The following NKAIN2 variants were observed in gnomAD, a reference collection of about 807,000 sequenced individuals.
NKAIN2 encodes the protein sodium/potassium-transporting ATPase subunit beta-1-interacting protein 2.
A neutral mutation model predicts 32.6 loss-of-function variants in NKAIN2; 14 were observed. The ratio of observed to expected loss-of-function variants is 0.43; its 90% CI spans 0.28 to 0.67. The LOEUF (loss-of-function observed/expected upper bound fraction) is 0.67, where lower values mean the gene tolerates loss of function less well. Among genes scored for constraint, NKAIN2 ranks in the 30% least tolerant of loss-of-function variants. The pLI, the probability that NKAIN2 is intolerant of heterozygous loss-of-function variation, is 0.17. For synonymous variants in NKAIN2, 80 were observed against 87.2 expected, an observed-to-expected ratio of 0.92 and a Z score of 0.46; for missense variants, 198 against 258.3, an observed-to-expected ratio of 0.77 and a Z score of 1.60.
chr6:124,231,408 G>C (rs1792455427), intron 1 of NKAIN2, among the ~76,000 whole-genome samples: 1 of 152,202 alleles, frequency 6.6e-6, no homozygotes, highest in Non-Finnish European at 1.5e-5. Flanking sequence ...TGTTGAGAAG[G>C]AATGATTGGT....
chr6:124,286,667 TGTGTGTGCGCGCGC>T (rs1230590522), intron 2 of NKAIN2, among the ~76,000 whole-genome samples: 1 of 121,502 alleles, frequency 8.2e-6, no homozygotes, highest in African/African-American at 5.1e-5. Context: ...TGTGTGTGTG[TGTGTGTGCGCGCGC>T]GTGTGTGTGT....
chr6:123,939,871 C>G (rs1214893199), intron 1 of NKAIN2, among the ~76,000 whole-genome samples: 2 of 151,820 alleles, frequency 1.3e-5, no homozygotes, highest in African/African-American at 4.8e-5. Context: ...CAGAATTCTT[C>G]TACCAATGCT....
At chr6:124,096,068 G>T (rs1784634596) in intron 1 of NKAIN2, among the ~76,000 whole-genome samples, 1 of 152,128 alleles carries the variant, frequency 6.6e-6, no homozygotes, top group East Asian at 1.9e-4. Context: ...GAAAGCATTG[G>T]TCTAATGAAG....
intron 1 of NKAIN2, among the ~76,000 whole-genome samples, chr6:124,127,028 T>C (rs1786204338): frequency 6.6e-6 from 1 of 152,164 alleles, no homozygotes; most frequent in South Asian, 2.1e-4. Context: ...GATGATATGA[T>C]ATGATATGTT....
chr6:123,879,869 T>C (rs1203265126), intron 1 of NKAIN2, among the ~76,000 whole-genome samples: 1 of 152,190 alleles, frequency 6.6e-6, no homozygotes, highest in Non-Finnish European at 1.5e-5. Flanking sequence ...CAGATGCCCT[T>C]ATGACTCTTG....
At chr6:123,985,822 A>G (rs1779111837) in intron 1 of NKAIN2, among the ~76,000 whole-genome samples, 1 of 152,174 alleles carries the variant, frequency 6.6e-6, no homozygotes, top group Admixed American at 6.5e-5. Context: ...TTTCACTGAA[A>G]CTAGAAAGAG....
intron 1 of NKAIN2, among the ~76,000 whole-genome samples, chr6:123,947,072 G>A (rs996023324): frequency 6.6e-6 from 1 of 152,206 alleles, no homozygotes; most frequent in Non-Finnish European, 1.5e-5. Context: ...AACAGGATGG[G>A]AGTCGTACTG....
At chr6:124,689,235 T>C (rs1774143087) in intron 4 of NKAIN2, among the ~76,000 whole-genome samples, 1 of 152,120 alleles carries the variant, frequency 6.6e-6, no homozygotes, top group Admixed American at 6.6e-5. Flanking sequence ...ACATATGATG[T>C]TGGACACCTT....
chr6:123,869,425 C>G (rs536538302), intron 1 of NKAIN2, among the ~76,000 whole-genome samples: 1 of 152,182 alleles, frequency 6.6e-6, no homozygotes, highest in Non-Finnish European at 1.5e-5. Context: ...CCTTCAAGAG[C>G]TCTCAGCCCA....
chr6:123,983,978 G>A (rs1582883956), intron 1 of NKAIN2, among the ~76,000 whole-genome samples: 1 of 152,180 alleles, frequency 6.6e-6, no homozygotes, highest in African/African-American at 2.4e-5. Flanking sequence ...CACAATCTCG[G>A]CTCACTGCAA....
intron 4 of NKAIN2, among the ~76,000 whole-genome samples, chr6:124,741,105 T>C (rs1777184847): frequency 6.6e-6 from 1 of 151,700 alleles, no homozygotes; most frequent in African/African-American, 2.4e-5. Context: ...AATAGGTGAA[T>C]AGTGATTCTT....
intron 3 of NKAIN2, among the ~76,000 whole-genome samples, chr6:124,466,435 C>T (rs1161244645): frequency 6.6e-6 from 1 of 152,016 alleles, no homozygotes; most frequent in African/African-American, 2.4e-5. Flanking sequence ...AGGTCACCTG[C>T]CCTTGGCCTC....
chr6:124,783,883 G>C (rs940665590), intron 4 of NKAIN2, among the ~76,000 whole-genome samples: 17 of 152,124 alleles, frequency 1.1e-4, no homozygotes, highest in Non-Finnish European at 2.2e-4. Flanking sequence ...CATGGGCTTA[G>C]AGCCTATGAA....
At chr6:124,626,279 C>G (rs541349222) in intron 3 of NKAIN2, among the ~76,000 whole-genome samples, 1 of 152,002 alleles carries the variant, frequency 6.6e-6, no homozygotes, top group East Asian at 1.9e-4. Flanking sequence ...GCCAGATTCC[C>G]AAAGTCCTAT....
rs144098068 is a variant in NKAIN2, at chr6:124,477,178, A to G, written c.273+121831A>G. On this transcript the variant is annotated intron_variant, in intron 3 of 6. Transcript: ENST00000368417. Reference sequence around the variant, plus strand: ...GATATAATCCTTAACCAAAGTAAGGAGAATATAAGAGCTATTGTGGGCATA... The same window carrying G: ...GATATAATCCTTAACCAAAGTAAGGGGAATATAAGAGCTATTGTGGGCATA... Among the ~76,000 whole-genome samples, 475 of 152,298 alleles carry G rather than the reference A, an allele frequency of 3.1e-3. 2 individuals are homozygous for G. Among genetic ancestry groups the G allele is most frequent in the African/African-American group, 9.9e-3 (410 of 41,564 alleles).
intron 1 of NKAIN2, among the ~76,000 whole-genome samples, chr6:124,068,330 A>G (rs1783287782): frequency 6.6e-6 from 1 of 152,084 alleles, no homozygotes; most frequent in Non-Finnish European, 1.5e-5. Flanking sequence ...ATCACATGTA[A>G]TATTTTACAT....
At chr6:123,839,588 G>A (rs970795029) in intron 1 of NKAIN2, among the ~76,000 whole-genome samples, 20 of 151,758 alleles carry the variant, frequency 1.3e-4, no homozygotes, top group Non-Finnish European at 2.2e-4. Context: ...CTAACTTTAC[G>A]AATTTCTTTT....
intron 1 of NKAIN2, among the ~76,000 whole-genome samples, chr6:124,164,729 C>T (rs1427359614): frequency 2.6e-5 from 4 of 151,856 alleles, no homozygotes; most frequent in East Asian, 1.9e-4. Flanking sequence ...ATTAAACTGG[C>T]GGTCGTATTA....
intron 3 of NKAIN2, among the ~76,000 whole-genome samples, chr6:124,430,703 T>G (rs1163907426): frequency 4.6e-5 from 7 of 152,202 alleles, no homozygotes; most frequent in African/African-American, 1.4e-4. Context: ...TATTTCCTGC[T>G]TGGCTTCAGT....
Sources: gnomAD v4.1 joint callset for allele counts (sites outside exome capture counted in the v4.1 genomes callset) on GRCh38, gnomAD v4.1.1 for gene constraint, MANE v1.5 for transcripts, NCBI Gene and HGNC (gene_info 2026-07-23, HGNC 2026-07-21) for gene names.